TUSC3: variants seen among roughly 807,000 people sequenced by gnomAD.
The protein encoded by TUSC3 is dolichyl-diphosphooligosaccharide--protein glycosyltransferase subunit TUSC3.
TUSC3 carries 45 observed loss-of-function variants against 44.8 expected under a neutral mutation model. The ratio of observed to expected loss-of-function variants is 1.00; its 90% CI spans 0.79 to 1.29. The LOEUF is 1.29. TUSC3 is among the 50% of genes most tolerant of loss of function. The probability of loss-of-function intolerance (pLI) is 0.00; values close to 1 mark genes in which losing one functional copy is unlikely to be tolerated. For synonymous variants in TUSC3, 212 were observed against 152.9 expected (o/e 1.39, Z -2.85); for missense variants, 519 against 437.9 (o/e 1.19, Z -1.65).
the TUSC3 span, among the ~76,000 whole-genome samples, chr8:15,780,028 C>T: frequency 1.3e-5 from 2 of 152,114 alleles, no homozygotes; most frequent in Admixed American, 6.6e-5. Context: ...CATCCTCTTG[C>T]CTTACACCAA....
the TUSC3 span, among the ~76,000 whole-genome samples, chr8:15,802,679 T>G: frequency 5.6e-4 from 85 of 151,992 alleles, no homozygotes; most frequent in African/African-American, 2.0e-3. Flanking sequence ...TTTTTTTTTT[T>G]GCCAGAAATA....
intron 6 of TUSC3, among the ~76,000 whole-genome samples, chr8:15,676,263 T>A (rs966896909): frequency 6.6e-6 from 1 of 152,174 alleles, no homozygotes; most frequent in African/African-American, 2.4e-5. Context: ...TGTTGCCCGC[T>A]TATCTGTCTT....
the TUSC3 span, among the ~76,000 whole-genome samples, chr8:15,835,740 G>A: frequency 5.3e-5 from 8 of 152,144 alleles, no homozygotes; most frequent in Non-Finnish European, 2.9e-5. Context: ...TATGGGGGAT[G>A]TATGTGTGCG....
At chr8:15,543,862 C>G (rs1662010130) in intron 1 of TUSC3, among the ~76,000 whole-genome samples, 1 of 148,798 alleles carries the variant, frequency 6.7e-6, no homozygotes, top group African/African-American at 2.5e-5. Context: ...TGAAAATTTC[C>G]CAGGAAGAGA....
chr8:15,519,366 T>C (rs561277391), intron 2 of TUSC3, among the ~76,000 whole-genome samples: 1 of 152,192 alleles, frequency 6.6e-6, no homozygotes, highest in African/African-American at 2.4e-5. Context: ...TACAGCTATA[T>C]AGGCTTTCAA....
At chr8:15,630,785 T>C (rs1290246231) in intron 2 of TUSC3, among the ~76,000 whole-genome samples, 10 of 152,174 alleles carry the variant, frequency 6.6e-5, no homozygotes, top group Non-Finnish European at 1.3e-4. Flanking sequence ...TTCAGGAATG[T>C]GTCTCATAAT....
At chr8:15,830,156 TC>T in the TUSC3 span, among the ~76,000 whole-genome samples, 5 of 151,726 alleles carry the variant, frequency 3.3e-5, no homozygotes, top group African/African-American at 1.2e-4. Context: ...GTTTTTTTTT[TC>T]CTGTTGTTAG....
At chr8:15,698,421 A>T (rs1809258192) in intron 6 of TUSC3, among the ~76,000 whole-genome samples, 1 of 152,332 alleles carries the variant, frequency 6.6e-6, no homozygotes, top group South Asian at 2.1e-4. Flanking sequence ...TTGAGACTTG[A>T]TTTTCAGTTT....
chr8:15,758,423 A>G (rs1220119313), intron 10 of TUSC3: 1 of 307,952 alleles, frequency 3.2e-6, no homozygotes, highest in Non-Finnish European at 4.7e-6. Context: ...ATATGTATGT[A>G]AAATTGACAG....
Position 15,765,324 on chromosome 8 carries a change from A to C in TUSC3, c.*1168A>C, listed in dbSNP as rs1471223936. 2.0e-5 allele frequency: 3 copies of C among 151,974 alleles called. No individual in the cohort carries two copies. Among genetic ancestry groups the C allele is most frequent in the African/African-American group, 7.2e-5 (3 of 41,418 alleles). The allele number at this position is 151,974 out of a possible 1,614,324, so 9.4% of individuals were successfully genotyped here. A position where few individuals can be genotyped will look rare whatever the true frequency, so the allele number is the denominator to read the frequency against. On this transcript the variant is annotated 3_prime_UTR_variant, in exon 11 of 11. Coordinates refer to ENST00000503731, the MANE Select transcript of TUSC3 (RefSeq NM_006765.4). ...TATCCAAATTAATTAGGGTTTAGGA[A>C]AGCAGTTCTTCTTGAGTCAGTTCAA...
At position 15,488,347 on chromosome 8, in the gene TUSC3, A is replaced by C. The variant is rs377118203; in HGVS notation, n.189+4864A>C. 3.3e-5 allele frequency among the ~76,000 whole-genome samples: 5 copies of C among 151,852 alleles called. No individual in the cohort carries two copies. In the East Asian group the frequency reaches 5.8e-4, roughly 18 times the overall value. Reference sequence around the variant, plus strand: ...ATCTCTACCAAAAAAAAAAAAATTAAAATAAATAGCTGGGTGTAGTGGCTC... The same window carrying C: ...ATCTCTACCAAAAAAAAAAAAATTACAATAAATAGCTGGGTGTAGTGGCTC... On this transcript the variant is annotated intron_variant and non_coding_transcript_variant, in intron 2 of 5. Coordinates refer to the TUSC3 transcript ENST00000503191.
intron 2 of TUSC3, among the ~76,000 whole-genome samples, chr8:15,495,145 A>G (rs1028258147): frequency 6.6e-6 from 1 of 152,046 alleles, no homozygotes; most frequent in African/African-American, 2.4e-5. Context: ...TTCTTCATCC[A>G]CTCAACCGCT....
At chr8:15,840,228 G>T in the TUSC3 span, among the ~76,000 whole-genome samples, 4 of 152,064 alleles carry the variant, frequency 2.6e-5, no homozygotes, top group African/African-American at 7.2e-5. Flanking sequence ...GACTTGTTGT[G>T]GGGTGGGGGA....
intron 2 of TUSC3, among the ~76,000 whole-genome samples, chr8:15,629,616 G>T (rs1585170934): frequency 7.9e-6 from 1 of 125,802 alleles, no homozygotes; most frequent in Non-Finnish European, 1.6e-5. Flanking sequence ...GTGTACTTTT[G>T]GACCACTTCT....
chr8:15,783,100 C>T, the TUSC3 span, among the ~76,000 whole-genome samples: 2 of 152,098 alleles, frequency 1.3e-5, no homozygotes, highest in Admixed American at 6.6e-5. Context: ...AACAATTCCA[C>T]TTACAATAGC....
intron 2 of TUSC3, 61 bp from the exon 3 acceptor site, chr8:15,650,636 A>G: frequency 6.9e-7 from 1 of 1,446,818 alleles, no homozygotes. Context: ...CTGTTTTAAT[A>G]ACTGCTTTGT....
intron 1 of TUSC3, among the ~76,000 whole-genome samples, chr8:15,548,969 A>G (rs2129135756): frequency 6.6e-6 from 1 of 151,688 alleles, no homozygotes; most frequent in South Asian, 2.1e-4. Flanking sequence ...CTTTTAGTGA[A>G]ATAAGTGTTT....
At chr8:15,847,582 A>G in the TUSC3 span, among the ~76,000 whole-genome samples, 1 of 152,140 alleles carries the variant, frequency 6.6e-6, no homozygotes, top group Non-Finnish European at 1.5e-5. Context: ...TGTGATTTGT[A>G]ATGGAAAGGG....
the TUSC3 span, among the ~76,000 whole-genome samples, chr8:15,793,331 T>C: frequency 8.5e-5 from 13 of 152,140 alleles, no homozygotes; most frequent in Non-Finnish European, 1.6e-4. Context: ...AGTATTTGCA[T>C]GACCTTAGCT....
Sources: allele counts gnomAD v4.1 joint callset (sites outside exome capture counted in the v4.1 genomes callset), GRCh38; gene constraint gnomAD v4.1.1; transcripts MANE v1.5; gene names NCBI Gene and HGNC (gene_info 2026-07-23, HGNC 2026-07-21).